CTNNA2: variants seen among roughly 807,000 people sequenced by gnomAD.
The protein encoded by CTNNA2 is catenin alpha 2, also known as catenin alpha-2.
In CTNNA2, 42 loss-of-function variants were observed where a neutral mutation model predicts 101.0. The observed-to-expected ratio is 0.42, with a 90% CI of 0.32 to 0.54. The LOEUF (loss-of-function observed/expected upper bound fraction) is 0.54, where lower values mean the gene tolerates loss of function less well. Ranked by LOEUF, CTNNA2 falls within the 20% of genes least tolerant of loss-of-function variation. The pLI is 0.14. For synonymous variants in CTNNA2, 450 were observed against 456.4 expected (o/e 0.99, Z 0.18); for missense variants, 871 against 1,223.1 (o/e 0.71, Z 4.29).
chr2:79,189,801 T>A (rs1673827887), intron 1 of CTNNA2, among the ~76,000 whole-genome samples: 1 of 152,164 alleles, frequency 6.6e-6, no homozygotes. Flanking sequence ...TCCCAGTACT[T>A]GAGGAAGGGT....
At chr2:80,628,484 C>CT (rs1191639390) in intron 18 of CTNNA2, among the ~76,000 whole-genome samples, 2 of 151,058 alleles carry the variant, frequency 1.3e-5, no homozygotes, top group East Asian at 4.0e-4. Flanking sequence ...GTTTTCCCAA[C>CT]ACTATTTATT....
chr2:79,487,201 T>A (rs927870722), intron 4 of CTNNA2, among the ~76,000 whole-genome samples: 2 of 152,198 alleles, frequency 1.3e-5, no homozygotes, highest in Admixed American at 1.3e-4. Flanking sequence ...GAATGAGAAA[T>A]TGTCAATAGA....
intron 7 of CTNNA2, among the ~76,000 whole-genome samples, chr2:79,917,085 T>G (rs1686297866): frequency 6.6e-6 from 1 of 151,154 alleles, no homozygotes; most frequent in Non-Finnish European, 1.5e-5. Context: ...ATTTATTTAT[T>G]TTTTTGAGAC....
intron 18 of CTNNA2, among the ~76,000 whole-genome samples, chr2:80,620,920 G>A (rs1321180196): frequency 6.6e-6 from 1 of 151,920 alleles, no homozygotes; most frequent in Non-Finnish European, 1.5e-5. Context: ...GGAATGCATT[G>A]TGCATGCACT....
At chr2:79,524,832 T>G (rs1672313422) in intron 1 of CTNNA2, 2 of 151,918 alleles carry the variant, frequency 1.3e-5, no homozygotes, top group Non-Finnish European at 2.9e-5. Context: ...GTAAGCATAG[T>G]GTGTACATGA....
chr2:79,353,996 G>A (rs116347138), intron 3 of CTNNA2, among the ~76,000 whole-genome samples: 2,314 of 152,058 alleles, frequency 0.015, 60 homozygotes, highest in African/African-American at 0.051. Flanking sequence ...GTTAAAAATA[G>A]TCCCCCAGTC....
In CTNNA2 at chr2:79,542,995, A is replaced by G. The variant is rs1253743730; in HGVS notation, c.-6+29788A>G. Among the ~76,000 whole-genome samples the G allele has an allele frequency of 2.0e-5, 3 of 152,184 alleles. No homozygotes were observed. In the East Asian group the frequency reaches 5.8e-4, roughly 29 times the overall value. Reference sequence around the variant, plus strand: ...TTTTCTACCATTTTAAAAACAACTCATGTGTTTTTAAAATTTCAAATTCAT... The same window carrying G: ...TTTTCTACCATTTTAAAAACAACTCGTGTGTTTTTAAAATTTCAAATTCAT... On this transcript the variant is annotated intron_variant, in intron 1 of 18. Transcript: ENST00000402739.
chr2:79,747,467 A>G (rs1434516434), intron 3 of CTNNA2, among the ~76,000 whole-genome samples: 2 of 152,206 alleles, frequency 1.3e-5, no homozygotes. Context: ...TGAAGATAGC[A>G]AAGGTATTCA....
At chr2:79,593,381 A>C (rs1676984079) in intron 1 of CTNNA2, among the ~76,000 whole-genome samples, 1 of 152,246 alleles carries the variant, frequency 6.6e-6, no homozygotes, top group African/African-American at 2.4e-5. Flanking sequence ...GTTGTAGAAC[A>C]CAATGGAACA....
intron 4 of CTNNA2, among the ~76,000 whole-genome samples, chr2:79,378,807 C>A (rs1678008103): frequency 6.6e-6 from 1 of 152,052 alleles, no homozygotes; most frequent in Non-Finnish European, 1.5e-5. Context: ...TATCAGGACC[C>A]TTTTTTCTTG....
At chr2:80,632,323 G>C (rs1672389758) in intron 18 of CTNNA2, among the ~76,000 whole-genome samples, 1 of 151,280 alleles carries the variant, frequency 6.6e-6, no homozygotes. Flanking sequence ...CAGTAAATAA[G>C]TAACTAAAGA....
At chr2:80,456,221 C>T (rs548599623) in intron 9 of CTNNA2, among the ~76,000 whole-genome samples, 1 of 152,282 alleles carries the variant, frequency 6.6e-6, no homozygotes, top group Non-Finnish European at 1.5e-5. Flanking sequence ...GGGTTGTAGA[C>T]CAATGCTCCT....
chr2:80,474,005 T>C (rs1287372830), intron 9 of CTNNA2, among the ~76,000 whole-genome samples: 1 of 152,212 alleles, frequency 6.6e-6, no homozygotes, highest in South Asian at 2.1e-4. Flanking sequence ...ACAGCTTCAA[T>C]GCAGGCACAG....
chr2:80,589,897 T>C (rs1573380241), intron 15 of CTNNA2, among the ~76,000 whole-genome samples: 1 of 147,078 alleles, frequency 6.8e-6, no homozygotes, highest in South Asian at 2.2e-4. Context: ...TGTGTGTGTG[T>C]GTGTGTGTGC....
intron 4 of CTNNA2, among the ~76,000 whole-genome samples, chr2:79,375,597 A>G (rs1203371649): frequency 6.6e-6 from 1 of 152,164 alleles, no homozygotes; most frequent in Non-Finnish European, 1.5e-5. Context: ...AGACTAATGA[A>G]GAAAATAGGC....
intron 7 of CTNNA2, among the ~76,000 whole-genome samples, chr2:80,334,735 A>G (rs1347458041): frequency 6.6e-6 from 1 of 152,048 alleles, no homozygotes. Flanking sequence ...GAGCACCTTC[A>G]CTCCTTCTAA....
chr2:80,164,970 T>G (rs1704575107), intron 7 of CTNNA2, among the ~76,000 whole-genome samples: 1 of 147,912 alleles, frequency 6.8e-6, no homozygotes, highest in Admixed American at 6.7e-5. Flanking sequence ...AGATAAGACT[T>G]GTATTTTTTC....
At position 80,191,074 on chromosome 2, in the gene CTNNA2, A is replaced by G. The variant is rs150587578; in HGVS notation, c.1057-202137A>G. Among the ~76,000 whole-genome samples, 193 of 152,310 alleles carry G rather than the reference A, an allele frequency of 1.3e-3. 1 individual carries two copies. Among genetic ancestry groups the G allele is most frequent in the African/African-American group, 4.4e-3 (182 of 41,566 alleles). ...CTTCCTCAGTGAAATGTTCTCTATC[A>G]TAGTCATATTTTACACTATTCAAAA... On this transcript the variant is annotated intron_variant, in intron 7 of 18. Coordinates refer to ENST00000402739, the MANE Select transcript of CTNNA2 (RefSeq NM_001282597.3).
intron 7 of CTNNA2, among the ~76,000 whole-genome samples, chr2:80,171,338 C>G (rs1208949337): frequency 1.3e-5 from 2 of 152,206 alleles, no homozygotes; most frequent in Non-Finnish European, 2.9e-5. Context: ...GCACAGATAC[C>G]TTAGTACTGC....
Sources: gnomAD v4.1 joint callset for allele counts (sites outside exome capture counted in the v4.1 genomes callset) on GRCh38, gnomAD v4.1.1 for gene constraint, MANE v1.5 for transcripts, NCBI Gene and HGNC (gene_info 2026-07-23, HGNC 2026-07-21) for gene names.